UBASH3B: variants seen among roughly 807,000 people sequenced by gnomAD.
The protein encoded by UBASH3B is ubiquitin associated and SH3 domain containing B.
Under a neutral mutation model 83.4 loss-of-function variants are expected in UBASH3B, and 37 were observed. The observed-to-expected ratio is 0.44, with a 90% CI of 0.34 to 0.58. The LOEUF is 0.58. UBASH3B is among the 20% of genes least tolerant of loss of function. The pLI, the probability that UBASH3B is intolerant of heterozygous loss-of-function variation, is 0.01. For synonymous variants in UBASH3B, 304 were observed against 318.3 expected, an observed-to-expected ratio of 0.96 and a Z score of 0.48; for missense variants, 657 against 827.2, an observed-to-expected ratio of 0.79 and a Z score of 2.52.
intron 8 of UBASH3B, 77 bp from the exon 9 acceptor site, chr11:122,796,834 G>A (rs1212587460): frequency 6.2e-7 from 1 of 1,600,100 alleles, no homozygotes; most frequent in Admixed American, 1.7e-5. Context: ...TGGGGGTGGA[G>A]AGTGTCAGGA....
At chr11:122,788,269 G>T (rs1418291048) in intron 5 of UBASH3B, among the ~76,000 whole-genome samples, 1 of 152,168 alleles carries the variant, frequency 6.6e-6, no homozygotes, top group Non-Finnish European at 1.5e-5. Context: ...AACCATGTCT[G>T]GTTTAAAGAG....
Position 122,721,377 on chromosome 11 carries a change from G to C in UBASH3B, c.162-54842G>C, listed in dbSNP as rs184674592. Among the ~76,000 whole-genome samples, 626 of 152,258 alleles carry C rather than the reference G, an allele frequency of 4.1e-3. 1 individual carries two copies. The highest frequency in any genetic ancestry group is 0.014 in the African/African-American group (581 of 41,540). On this transcript the variant is annotated intron_variant, in intron 1 of 13. Coordinates refer to ENST00000284273, the MANE Select transcript of UBASH3B (RefSeq NM_032873.5). ...AGCAAATCTTCCACAGCACTACGGG[G>C]GGGTGGGAGTGGGAATGTGGTGGCT...
chr11:122,671,673 G>A (rs1380860829), intron 1 of UBASH3B, among the ~76,000 whole-genome samples: 1 of 152,242 alleles, frequency 6.6e-6, no homozygotes, highest in Non-Finnish European at 1.5e-5. Context: ...GTTCCGGCCT[G>A]TGGCTGCCAG....
At chr11:122,667,897 G>A (rs1863541338) in intron 1 of UBASH3B, among the ~76,000 whole-genome samples, 1 of 152,164 alleles carries the variant, frequency 6.6e-6, no homozygotes, top group East Asian at 1.9e-4. Flanking sequence ...AGAAACCAGA[G>A]CTTAGGCCTG....
intron 1 of UBASH3B, among the ~76,000 whole-genome samples, chr11:122,742,588 T>C (rs1212917393): frequency 6.6e-6 from 1 of 152,188 alleles, no homozygotes; most frequent in Non-Finnish European, 1.5e-5. Flanking sequence ...CTAGGCCTTC[T>C]CTTAGGCTAG....
chr11:122,686,838 C>T (rs1565528917), intron 1 of UBASH3B, among the ~76,000 whole-genome samples: 1 of 152,016 alleles, frequency 6.6e-6, no homozygotes, highest in Non-Finnish European at 1.5e-5. Context: ...TCTCTAAGCC[C>T]TGTTTTTCGG....
At chr11:122,731,700 C>T (rs1860846730) in intron 1 of UBASH3B, among the ~76,000 whole-genome samples, 1 of 152,176 alleles carries the variant, frequency 6.6e-6, no homozygotes, top group Admixed American at 6.5e-5. Flanking sequence ...CAATTGGAAA[C>T]TTGTGAGTTG....
intron 3 of UBASH3B, among the ~76,000 whole-genome samples, chr11:122,778,589 G>T (rs1177643987): frequency 6.2e-5 from 8 of 128,770 alleles, no homozygotes; most frequent in South Asian, 2.4e-4. Flanking sequence ...GGAGAACTTT[G>T]ATTTTTTTTT....
chr11:122,774,354 A>C (rs1385063899), intron 1 of UBASH3B: 1 of 948,892 alleles, frequency 1.1e-6, no homozygotes, highest in Non-Finnish European at 1.3e-6. Context: ...AGACTTTCAT[A>C]GGGGAAGGGG....
chr11:122,690,201 T>TCAA (rs1565530297), intron 1 of UBASH3B, among the ~76,000 whole-genome samples: 2 of 33,288 alleles, frequency 6.0e-5, no homozygotes, highest in South Asian at 1.1e-3. Context: ...TATATATATA[T>TCAA]ATATATATCC....
intron 1 of UBASH3B, among the ~76,000 whole-genome samples, chr11:122,656,483 T>C (rs11603514): frequency 0.99 from 150,073 of 152,138 alleles, 74,031 homozygotes; most frequent in East Asian, 1. Context: ...GTCCCGGGTA[T>C]AGTGCTCAGC....
chr11:122,766,616 G>A (rs1860543583), intron 1 of UBASH3B, among the ~76,000 whole-genome samples: 1 of 152,090 alleles, frequency 6.6e-6, no homozygotes, highest in Non-Finnish European at 1.5e-5. Flanking sequence ...GGTGGCAGGT[G>A]CCTGTAGTCC....
intron 1 of UBASH3B, among the ~76,000 whole-genome samples, chr11:122,737,284 G>A (rs1395970967): frequency 6.6e-6 from 1 of 152,160 alleles, no homozygotes; most frequent in Non-Finnish European, 1.5e-5. Flanking sequence ...ACCGGAAGCA[G>A]GAGATTTGTT....
At chr11:122,753,504 T>A (rs1861233499) in intron 1 of UBASH3B, among the ~76,000 whole-genome samples, 2 of 149,572 alleles carry the variant, frequency 1.3e-5, no homozygotes, top group Admixed American at 1.3e-4. Context: ...TTTCTTTTTT[T>A]TTTTTTTTTT....
At chr11:122,805,539 A>G (rs117496988) in intron 11 of UBASH3B, among the ~76,000 whole-genome samples, 1,651 of 152,328 alleles carry the variant, frequency 0.011, 61 homozygotes, top group East Asian at 0.072. Flanking sequence ...TCTCAAAAAT[A>G]AAACAACAAC....
chr11:122,786,422 C>T (rs540503445), intron 5 of UBASH3B, among the ~76,000 whole-genome samples: 7 of 152,018 alleles, frequency 4.6e-5, no homozygotes, highest in African/African-American at 1.7e-4. Flanking sequence ...TTTAGGAGGC[C>T]GAGGCAGGCA....
At chr11:122,744,900 C>CGTGTGT (rs1565549521) in intron 1 of UBASH3B, among the ~76,000 whole-genome samples, 2 of 115,752 alleles carry the variant, frequency 1.7e-5, no homozygotes, top group Admixed American at 1.6e-4. Flanking sequence ...TGTGTGTGTG[C>CGTGTGT]GCGCGCGCGC....
chr11:122,670,108 T>C (rs748188150), intron 1 of UBASH3B, among the ~76,000 whole-genome samples: 2 of 152,180 alleles, frequency 1.3e-5, no homozygotes, highest in East Asian at 1.9e-4. Flanking sequence ...TGTCTAGTGA[T>C]GTGGTCTGGA....
intron 4 of UBASH3B, among the ~76,000 whole-genome samples, chr11:122,781,710 C>T (rs1190830040): frequency 6.6e-6 from 1 of 152,222 alleles, no homozygotes; most frequent in Non-Finnish European, 1.5e-5. Flanking sequence ...TTGGTATTCT[C>T]CAGTTGTTGG....
Sources: allele counts gnomAD v4.1 joint callset (sites outside exome capture counted in the v4.1 genomes callset), GRCh38; gene constraint gnomAD v4.1.1; transcripts MANE v1.5; gene names NCBI Gene and HGNC (gene_info 2026-07-23, HGNC 2026-07-21).